Variants in NRXN3 observed in about 807,000 individuals in gnomAD.
NRXN3 encodes neurexin III.
In NRXN3, 32 loss-of-function variants were observed where a neutral mutation model predicts 137.6. That is an observed-to-expected ratio of 0.23 (90% CI 0.18 to 0.31). NRXN3 has a LOEUF of 0.31. NRXN3 is among the 10% of genes least tolerant of loss of function. NRXN3 has a pLI of 1.00. For missense variants in NRXN3, 1,574 were observed against 2,062.5 expected, an observed-to-expected ratio of 0.76 and a Z score of 4.59; for synonymous variants, 798 against 784.5, an observed-to-expected ratio of 1.02 and a Z score of -0.29.
intron 4 of NRXN3, among the ~76,000 whole-genome samples, chr14:78,372,638 T>A (rs1160190933): frequency 1.3e-5 from 2 of 152,210 alleles, no homozygotes; most frequent in Admixed American, 1.3e-4. Context: ...AAAAGCATAT[T>A]TTCTGAGTTA....
rs1568009789 is a variant in NRXN3 at position 79,020,124 on chromosome 14, T to TTTCTTTTCTTTTCCC, written c.3262+31986_3262+31987insTTTTCTTTTCCCTTC. Among the ~76,000 whole-genome samples the TTTCTTTTCTTTTCCC allele has an allele frequency of 7.6e-4, 84 of 111,056 alleles. 5 individuals are homozygous for TTTCTTTTCTTTTCCC. The highest frequency in any genetic ancestry group is 2.8e-3 in the African/African-American group (82 of 29,130). The allele number at this position is 111,056 out of a possible 152,430, so 72.9% of individuals were successfully genotyped here. A position where few individuals can be genotyped will look rare whatever the true frequency, so the allele number is the denominator to read the frequency against. On this transcript the variant is annotated intron_variant, in intron 15 of 20. Coordinates refer to ENST00000335750, the MANE Select transcript of NRXN3 (RefSeq NM_001330195.2). ...TGGCTTCAAGGTTGCTTTCTTTTCC[T>TTTCTTTTCTTTTCCC]TTCCCTTCCCTTCCCTTCCCTTCCC...
chr14:79,532,277 C>T (rs951683428), intron 16 of NRXN3, among the ~76,000 whole-genome samples: 6 of 152,120 alleles, frequency 3.9e-5, no homozygotes, highest in Non-Finnish European at 5.9e-5. Context: ...ACTATTGCAA[C>T]ATGTTAAGCT....
In NRXN3 at chr14:79,861,897, A is replaced by G. The variant is rs2099414423; in HGVS notation, c.4649A>G (p.Glu1550Gly). The G allele has an allele frequency of 1.2e-6, 2 of 1,613,962 alleles. No homozygotes were observed. Among genetic ancestry groups the G allele is most frequent in the Non-Finnish European group, 1.7e-6 (2 of 1,179,972 alleles). Reference protein sequence around the residue: ...SAQSNGTLMKEKQQSSKSGHK... With the variant: ...SAQSNGTLMKGKQQSSKSGHK... ...CAGAGCAACGGCACGCTCATGAAGG[A>G]GAAGCAGCAGAGCTCGAAGAGCGGC... The change falls in exon 21 of 21, where the codon GAG becomes GGG. Residue 1550 changes from glutamate (E) to glycine (G), a missense_variant. By Grantham distance (98) the Glu-to-Gly change is moderately conservative (BLOSUM62 -2). This residue lies in a region of NRXN3 where 320 missense variants were observed against 387.1 expected (regional missense o/e 0.83). Transcript: ENST00000335750. The surrounding 1 kb of genome is among the most constrained non-coding windows in gnomAD (Gnocchi z 5.4).
chr14:79,367,261 G>C (rs904618547), intron 15 of NRXN3, among the ~76,000 whole-genome samples: 1 of 152,192 alleles, frequency 6.6e-6, no homozygotes. Context: ...GGGATTACAG[G>C]CGTGAGCCAC....
At chr14:79,255,872 G>A (rs980110870) in intron 15 of NRXN3, among the ~76,000 whole-genome samples, 1 of 152,158 alleles carries the variant, frequency 6.6e-6, no homozygotes, top group African/African-American at 2.4e-5. Flanking sequence ...CTGTTTTGGG[G>A]AAAGAAGGTG....
intron 15 of NRXN3, among the ~76,000 whole-genome samples, chr14:79,096,416 T>C (rs1207196141): frequency 6.6e-6 from 1 of 152,088 alleles, no homozygotes; most frequent in Non-Finnish European, 1.5e-5. Context: ...GGCTTCCGCC[T>C]CTCTTTTTTT....
At chr14:79,090,875 C>T (rs1422977335) in intron 15 of NRXN3, among the ~76,000 whole-genome samples, 1 of 152,074 alleles carries the variant, frequency 6.6e-6, no homozygotes, top group Non-Finnish European at 1.5e-5. Flanking sequence ...CCAGCATTTA[C>T]AGCCTAGAAT....
At position 79,365,739 on chromosome 14, in the gene NRXN3, AAAAAAG is replaced by A. The variant is rs1457051316; in HGVS notation, c.3263-101476_3263-101471del. On this transcript the variant is annotated intron_variant, in intron 15 of 20. Coordinates refer to ENST00000335750, the MANE Select transcript of NRXN3 (RefSeq NM_001330195.2). ...AGACTCTGTCTCAAAAAAAAAAAAA[AAAAAAG>A]AAAAAAAAGAAGAGTTTTATTAAAC... is the stretch of plus-strand genomic sequence containing the variant. Among the ~76,000 whole-genome samples the A allele has an allele frequency of 1.2e-3, 180 of 144,810 alleles. 4 individuals carry two copies. Among genetic ancestry groups the A allele is most frequent in the Non-Finnish European group, 1.8e-3 (121 of 65,652 alleles).
chr14:79,124,144 G>A lies in NRXN3; in HGVS notation c.3262+136003G>A, dbSNP rs184437140. Reference sequence around the variant, plus strand: ...TGAAACTAGTATTGATTGCATCAGCGCTCAATATAATGCCCCAGTAGTCAT... The same window carrying A: ...TGAAACTAGTATTGATTGCATCAGCACTCAATATAATGCCCCAGTAGTCAT... On this transcript the variant is annotated intron_variant, in intron 15 of 20. Transcript: ENST00000335750. 2.5e-3 allele frequency among the ~76,000 whole-genome samples: 386 copies of A among 152,220 alleles called. 1 individual carries two copies. The highest frequency in any genetic ancestry group is 3.4e-3 in the Non-Finnish European group (233 of 68,012).
At chr14:78,732,329 A>G (rs2098519933) in intron 8 of NRXN3, among the ~76,000 whole-genome samples, 1 of 152,196 alleles carries the variant, frequency 6.6e-6, no homozygotes, top group South Asian at 2.1e-4. Flanking sequence ...GTGGGTATAT[A>G]ATTCAGAAAC....
intron 15 of NRXN3, among the ~76,000 whole-genome samples, chr14:79,316,729 C>CCTCCCTCTCTCTCTCT (rs2088809744): frequency 4.3e-5 from 6 of 137,940 alleles, no homozygotes; most frequent in African/African-American, 1.7e-4. Context: ...CTGTCCTGTC[C>CCTCCCTCTCTCTCTCT]CTCTCTCTCT....
rs148384098 is a variant in NRXN3 at position 78,274,920 on chromosome 14, T to C, written c.710-3725T>C. Reference sequence around the variant, plus strand: ...GAGTACCTGTTACCTACTGAGGACGTGTGTGAATGGTAGAGCTAGGAAGGT... The same window carrying C: ...GAGTACCTGTTACCTACTGAGGACGCGTGTGAATGGTAGAGCTAGGAAGGT... On this transcript the variant is annotated intron_variant, in intron 2 of 20. Coordinates refer to ENST00000335750, the MANE Select transcript of NRXN3 (RefSeq NM_001330195.2). Among the ~76,000 whole-genome samples, 208 of 152,312 alleles carry C rather than the reference T, an allele frequency of 1.4e-3. 2 individuals carry two copies. The highest frequency in any genetic ancestry group is 4.8e-3 in the African/African-American group (200 of 41,566).
At chr14:79,056,226 C>T (rs1012240935) in intron 15 of NRXN3, among the ~76,000 whole-genome samples, 3 of 152,106 alleles carry the variant, frequency 2.0e-5, no homozygotes, top group African/African-American at 7.2e-5. Flanking sequence ...ATTTGGAGAG[C>T]TATCATGTGA....
intron 4 of NRXN3, among the ~76,000 whole-genome samples, chr14:78,456,787 C>CTCTCTCTT (rs1439132695): frequency 1.2e-4 from 16 of 136,524 alleles, no homozygotes; most frequent in East Asian, 9.0e-4. Flanking sequence ...TTCCCTTTCT[C>CTCTCTCTT]TCTCTCTTTC....
At chr14:79,235,356 C>A (rs1476791623) in intron 15 of NRXN3, among the ~76,000 whole-genome samples, 1 of 152,132 alleles carries the variant, frequency 6.6e-6, no homozygotes, top group Non-Finnish European at 1.5e-5. Flanking sequence ...AACAAGTAAC[C>A]TCTCTGATCC....
chr14:78,255,568 T>C (rs551303902), intron 2 of NRXN3, among the ~76,000 whole-genome samples: 1 of 152,358 alleles, frequency 6.6e-6, no homozygotes, highest in Non-Finnish European at 1.5e-5. Context: ...TTTCTATCCT[T>C]AATGCAAGTT....
At chr14:78,709,740 T>G (rs1444931731) in intron 7 of NRXN3, 85 bp downstream of exon 7, 32 of 1,240,620 alleles carry the variant, frequency 2.6e-5, no homozygotes, top group Non-Finnish European at 3.5e-5. Flanking sequence ...TTCTTAATTT[T>G]CACCCTTGCA....
intron 15 of NRXN3, among the ~76,000 whole-genome samples, chr14:79,192,778 T>C (rs2064574340): frequency 6.8e-6 from 1 of 146,488 alleles, no homozygotes; most frequent in Non-Finnish European, 1.5e-5. Context: ...TTTTTTTTTT[T>C]TTTTTTTTTT....
At chr14:79,352,941 A>G (rs531046310) in intron 15 of NRXN3, among the ~76,000 whole-genome samples, 1 of 152,250 alleles carries the variant, frequency 6.6e-6, no homozygotes, top group East Asian at 1.9e-4. Flanking sequence ...TCAGCTTCCA[A>G]CACCATCACT....
Sources: allele counts gnomAD v4.1 joint callset (sites outside exome capture counted in the v4.1 genomes callset), GRCh38; gene constraint gnomAD v4.1.1; regional missense constraint gnomAD v4.1.1; non-coding constraint Gnocchi (gnomAD v3.1); transcripts MANE v1.5; gene names NCBI Gene and HGNC (gene_info 2026-07-23, HGNC 2026-07-21).